Variants in RGS7 observed in about 807,000 individuals in gnomAD.
RGS7 encodes the protein regulator of G-protein signaling 7.
Under a neutral mutation model 81.1 loss-of-function variants are expected in RGS7, and 27 were observed. That is an observed-to-expected ratio of 0.33 (90% confidence interval 0.25 to 0.46). The LOEUF (loss-of-function observed/expected upper bound fraction) is 0.46. Ranked by LOEUF, RGS7 falls within the 20% of genes least tolerant of loss-of-function variation. RGS7 has a pLI of 1.00. For missense variants in RGS7, 396 were observed against 607.4 expected, an observed-to-expected ratio of 0.65 and a Z score of 3.66; for synonymous variants, 208 against 207.7, an observed-to-expected ratio of 1.00 and a Z score of -0.01.
At chr1:241,235,615 C>CTTTCTTCT (rs374077602) in intron 2 of RGS7, among the ~76,000 whole-genome samples, 85,118 of 148,356 alleles carry the variant, frequency 0.57, 24,297 homozygotes, top group African/African-American at 0.6. Context: ...TTCTTTCTTC[C>CTTTCTTCT]TTTCCCTTTT....
At chr1:241,265,043 C>T (rs2077514314) in intron 2 of RGS7, among the ~76,000 whole-genome samples, 1 of 152,148 alleles carries the variant, frequency 6.6e-6, no homozygotes, top group Non-Finnish European at 1.5e-5. Context: ...CCCTTCCAGC[C>T]CATGGAGTTA....
intron 2 of RGS7, among the ~76,000 whole-genome samples, chr1:241,261,202 G>A (rs2077316420): frequency 6.6e-6 from 1 of 152,136 alleles, no homozygotes; most frequent in Admixed American, 6.5e-5. Flanking sequence ...CACTGGGGAA[G>A]AGGGCCCTGC....
intron 6 of RGS7, among the ~76,000 whole-genome samples, chr1:240,887,292 G>T (rs1163104419): frequency 6.9e-6 from 1 of 144,178 alleles, no homozygotes; most frequent in African/African-American, 2.8e-5. Flanking sequence ...GCAGTGGCGC[G>T]ATCTTGGCTC....
At chr1:241,106,752 C>CACACACACACACACA (rs1553421292) in intron 2 of RGS7, among the ~76,000 whole-genome samples, 13 of 121,642 alleles carry the variant, frequency 1.1e-4, no homozygotes, top group African/African-American at 4.0e-4. Flanking sequence ...AACACCACCA[C>CACACACACACACACA]CACACACACA....
At chr1:240,879,908 G>T (rs1666088517) in intron 6 of RGS7, among the ~76,000 whole-genome samples, 1 of 152,216 alleles carries the variant, frequency 6.6e-6, no homozygotes, top group Non-Finnish European at 1.5e-5. Flanking sequence ...TGCAGGGCAT[G>T]CAGAGAAAGC....
intron 2 of RGS7, among the ~76,000 whole-genome samples, chr1:241,235,803 A>T (rs991857001): frequency 2.0e-5 from 3 of 151,194 alleles, no homozygotes; most frequent in Non-Finnish European, 4.4e-5. Context: ...TCTGCTTCCC[A>T]GAACAGTGGC....
intron 2 of RGS7, among the ~76,000 whole-genome samples, chr1:241,145,194 T>G (rs781101013): frequency 1.3e-4 from 20 of 152,084 alleles, no homozygotes; most frequent in Non-Finnish European, 2.5e-4. Context: ...TTTTTTGTAT[T>G]TTTAGTAGAG....
intron 3 of RGS7, among the ~76,000 whole-genome samples, chr1:241,089,918 T>G (rs532736365): frequency 7.1e-6 from 1 of 141,222 alleles, no homozygotes; most frequent in South Asian, 2.2e-4. Context: ...GGCGTGAACC[T>G]GGGAGGTGGA....
chr1:240,803,857 CT>C (rs893887255), intron 15 of RGS7, among the ~76,000 whole-genome samples: 36 of 146,368 alleles, frequency 2.5e-4, no homozygotes, highest in African/African-American at 3.0e-4. Flanking sequence ...TCTTTTCTTT[CT>C]TTTTTTTTTT....
Position 241,194,702 on chromosome 1 carries a change from T to C in RGS7, c.79-95940A>G, listed in dbSNP as rs73130941. On this transcript the variant is annotated intron_variant, in intron 2 of 18. Coordinates refer to ENST00000440928, the MANE Select transcript of RGS7 (RefSeq NM_001364886.1). The stretch of plus-strand genomic sequence containing the variant: ...ATAACTATAAAGGCTGAACAAAATG[T>C]CCAAAACCCATCTGTTTGAAGTCAT... 2.0e-3 allele frequency among the ~76,000 whole-genome samples: 302 copies of C among 152,324 alleles called. 2 individuals are homozygous for C. The highest frequency in any genetic ancestry group is 6.8e-3 in the Middle Eastern group (2 of 294).
At chr1:241,277,273 G>A (rs1277213373) in intron 2 of RGS7, among the ~76,000 whole-genome samples, 3 of 152,024 alleles carry the variant, frequency 2.0e-5, no homozygotes, top group East Asian at 1.9e-4. Context: ...TAAGTTTACC[G>A]CAATATATAT....
At chr1:240,970,984 A>C (rs1683117361) in intron 4 of RGS7, among the ~76,000 whole-genome samples, 1 of 152,174 alleles carries the variant, frequency 6.6e-6, no homozygotes, top group Non-Finnish European at 1.5e-5. Context: ...GTCTCAAAAC[A>C]AAATAAAATA....
At chr1:241,309,917 T>C (rs1662686451) in intron 2 of RGS7, among the ~76,000 whole-genome samples, 1 of 152,228 alleles carries the variant, frequency 6.6e-6, no homozygotes, top group South Asian at 2.1e-4. Flanking sequence ...AGTGCCCAGA[T>C]TCCTTTTAAT....
At chr1:240,788,357 G>T (rs147374438) in intron 18 of RGS7, among the ~76,000 whole-genome samples, 1 of 152,308 alleles carries the variant, frequency 6.6e-6, no homozygotes, top group East Asian at 1.9e-4. Flanking sequence ...GCAGAAATGT[G>T]AGGACCTAAT....
intron 2 of RGS7, among the ~76,000 whole-genome samples, chr1:241,252,604 T>C (rs1342845485): frequency 2.0e-5 from 3 of 152,226 alleles, no homozygotes; most frequent in Non-Finnish European, 2.9e-5. Context: ...ATGCCCTTTT[T>C]CCTGGAGGAC....
intron 2 of RGS7, among the ~76,000 whole-genome samples, chr1:241,226,782 A>G (rs771586625): frequency 1.8e-4 from 27 of 152,340 alleles, no homozygotes; most frequent in Non-Finnish European, 7.3e-5. Context: ...TAGGAATAAG[A>G]AATAACTATT....
At chr1:241,006,467 A>G (rs1243968948) in intron 3 of RGS7, among the ~76,000 whole-genome samples, 2 of 152,228 alleles carry the variant, frequency 1.3e-5, no homozygotes, top group Admixed American at 1.3e-4. Context: ...AGAACATGGC[A>G]CACACAGTCT....
At chr1:241,024,145 G>C (rs2059677207) in intron 3 of RGS7, among the ~76,000 whole-genome samples, 1 of 152,228 alleles carries the variant, frequency 6.6e-6, no homozygotes, top group Admixed American at 6.5e-5. Flanking sequence ...AGGCCACCTA[G>C]CTTTGGCGGT....
intron 2 of RGS7, among the ~76,000 whole-genome samples, chr1:241,155,401 T>C (rs2069049036): frequency 6.6e-6 from 1 of 152,122 alleles, no homozygotes; most frequent in South Asian, 2.1e-4. Context: ...CCTGGCCAGA[T>C]TATGTGTCTT....
Sources: allele counts gnomAD v4.1 joint callset (sites outside exome capture counted in the v4.1 genomes callset), GRCh38; gene constraint gnomAD v4.1.1; transcripts MANE v1.5; gene names NCBI Gene and HGNC (gene_info 2026-07-23, HGNC 2026-07-21).